ADCY5: variants seen among roughly 807,000 people sequenced by gnomAD.
The protein encoded by ADCY5 is adenylate cyclase type 5.
ADCY5 carries 30 observed loss-of-function variants against 119.7 expected under a neutral mutation model. That is an observed-to-expected ratio of 0.25 (90% CI 0.19 to 0.34). The LOEUF (loss-of-function observed/expected upper bound fraction) is 0.34. Ranked by LOEUF, ADCY5 falls within the 10% of genes least tolerant of loss-of-function variation. ADCY5 has a pLI of 1.00. For missense variants in ADCY5, 1,324 were observed against 1,775.2 expected (o/e 0.75, Z 4.57); for synonymous variants, 753 against 762.2 (o/e 0.99, Z 0.20).
At chr3:123,400,023 A>G (rs1944710714) in intron 1 of ADCY5, among the ~76,000 whole-genome samples, 1 of 152,210 alleles carries the variant, frequency 6.6e-6, no homozygotes, top group Non-Finnish European at 1.5e-5. Context: ...AGCACAATGA[A>G]CATGGGTTCA....
intron 1 of ADCY5, among the ~76,000 whole-genome samples, chr3:123,362,756 T>C (rs1425119806): frequency 1.3e-5 from 2 of 152,174 alleles, no homozygotes; most frequent in Non-Finnish European, 2.9e-5. Context: ...CTCAAGTTAA[T>C]TTCATAAACA....
chr3:123,327,229 G>A (rs1472323203), intron 7 of ADCY5, among the ~76,000 whole-genome samples: 4 of 152,164 alleles, frequency 2.6e-5, no homozygotes, highest in African/African-American at 9.7e-5. Context: ...TGTGGAGATG[G>A]ACACCGATCT....
chr3:123,368,013 A>C, intron 1 of ADCY5: 1 of 1,491,822 alleles, frequency 6.7e-7, no homozygotes, highest in South Asian at 1.3e-5. Flanking sequence ...GACCATGGGC[A>C]CCTCAGCAGG....
At chr3:123,392,212 A>G (rs2107587576) in intron 1 of ADCY5, among the ~76,000 whole-genome samples, 1 of 152,326 alleles carries the variant, frequency 6.6e-6, no homozygotes, top group Admixed American at 6.5e-5. Flanking sequence ...GAAATAGCAA[A>G]ATGTGATAGA....
chr3:123,292,031 G>A (rs1939186476), intron 17 of ADCY5, among the ~76,000 whole-genome samples: 1 of 152,118 alleles, frequency 6.6e-6, no homozygotes, highest in African/African-American at 2.4e-5. Flanking sequence ...GGGATTTTTT[G>A]GTCACCCACC....
intron 18 of ADCY5, 141 bp downstream of exon 18, chr3:123,290,972 G>A: frequency 2.6e-6 from 3 of 1,155,530 alleles, no homozygotes; most frequent in African/African-American, 1.6e-5. Context: ...ACACGGTCAG[G>A]TTCCCGCCGG....
intron 1 of ADCY5, among the ~76,000 whole-genome samples, chr3:123,418,394 A>G (rs1945229755): frequency 6.6e-6 from 1 of 152,242 alleles, no homozygotes; most frequent in Non-Finnish European, 1.5e-5. Context: ...TAATTTAGAA[A>G]GAAAAGAGGT....
At chr3:123,409,287 T>C (rs1944985058) in intron 1 of ADCY5, among the ~76,000 whole-genome samples, 1 of 152,190 alleles carries the variant, frequency 6.6e-6, no homozygotes, top group Non-Finnish European at 1.5e-5. Flanking sequence ...GGGGCTGTGC[T>C]AGGTGCCATG....
In ADCY5 at chr3:123,324,404, C is replaced by CCACACA. The variant is rs10522987; in HGVS notation, c.2088+912_2088+917dup. 1.6e-3 allele frequency among the ~76,000 whole-genome samples: 174 copies of CCACACA among 109,706 alleles called. 4 individuals are homozygous for CCACACA. The highest frequency in any genetic ancestry group is 4.5e-3 in the Middle Eastern group (1 of 224). The allele number at this position is 109,706 out of a possible 152,430, so 72.0% of individuals were successfully genotyped here. The stretch of plus-strand genomic sequence containing the variant: ...CCTTCACTAAGTGGCCACACAGAAA[C>CCACACA]CACACACACACACACACACACACAC... On this transcript the variant is annotated intron_variant, in intron 8 of 20. Coordinates refer to ENST00000462833, the MANE Select transcript of ADCY5 (RefSeq NM_183357.3).
At chr3:123,429,999 C>G (rs1342268878) in intron 1 of ADCY5, among the ~76,000 whole-genome samples, 2 of 152,058 alleles carry the variant, frequency 1.3e-5, no homozygotes, top group Admixed American at 1.3e-4. Context: ...AGCCCTTCTC[C>G]CACCTCTCGA....
chr3:123,324,220 G>A (rs1377973184), intron 8 of ADCY5, among the ~76,000 whole-genome samples: 2 of 152,162 alleles, frequency 1.3e-5, no homozygotes, highest in Non-Finnish European at 2.9e-5. Context: ...GGAGCAGAGC[G>A]ACTGGGTCCC....
At chr3:123,294,452 C>G (rs1939366035) in intron 17 of ADCY5, among the ~76,000 whole-genome samples, 2 of 152,232 alleles carry the variant, frequency 1.3e-5, no homozygotes, top group African/African-American at 4.8e-5. Flanking sequence ...AGCAGGCCAT[C>G]AGGGCTGACA....
intron 14 of ADCY5, among the ~76,000 whole-genome samples, chr3:123,301,986 C>G (rs1250723229): frequency 2.0e-5 from 3 of 152,228 alleles, no homozygotes; most frequent in Non-Finnish European, 4.4e-5. Context: ...CCTCCCTGGG[C>G]CTTCCCTGCC....
At chr3:123,346,838 T>C (rs1283662347) in intron 3 of ADCY5, among the ~76,000 whole-genome samples, 1 of 152,126 alleles carries the variant, frequency 6.6e-6, no homozygotes, top group African/African-American at 2.4e-5. Flanking sequence ...TTTCTGGGCA[T>C]ATGGGAGGAT....
At chr3:123,304,221 A>G (rs752200892) in intron 12 of ADCY5, 38 bp from the exon 13 acceptor site, 2 of 1,235,648 alleles carry the variant, frequency 1.6e-6, no homozygotes, top group South Asian at 2.5e-5. Flanking sequence ...AGGGAGGGAG[A>G]GACGGAATAG....
intron 11 of ADCY5, among the ~76,000 whole-genome samples, chr3:123,315,201 G>C (rs1008308306): frequency 6.6e-6 from 1 of 152,234 alleles, no homozygotes; most frequent in South Asian, 2.1e-4. Context: ...AAAAGCCCGT[G>C]GGGGGCGTGA....
rs2108497831 is a variant in ADCY5, at chr3:123,352,216, C to T, written c.1284+216G>A. Among the ~76,000 whole-genome samples, 1 of 152,244 alleles carries T rather than the reference C, an allele frequency of 6.6e-6. No individual in the cohort carries two copies. Among genetic ancestry groups the T allele is most frequent in the Middle Eastern group, 3.4e-3 (1 of 292 alleles). The stretch of plus-strand genomic sequence containing the variant: ...CAGGGACGCCACATGGCTATGGGCA[C>T]CAGGCCTTGGGCACGGGCTGGGTAG... On this transcript the variant is annotated intron_variant, in intron 2 of 20. Transcript: ENST00000462833. The surrounding 1 kb of genome is among the most constrained non-coding windows in gnomAD (Gnocchi z 4.8).
At chr3:123,319,497 C>T (rs957984134) in intron 10 of ADCY5, among the ~76,000 whole-genome samples, 177 bp downstream of exon 10, 1 of 152,186 alleles carries the variant, frequency 6.6e-6, no homozygotes, top group African/African-American at 2.4e-5. Context: ...TCCCTTCCAA[C>T]CAGGGAAGCC....
intron 1 of ADCY5, among the ~76,000 whole-genome samples, chr3:123,387,151 A>G (rs1944251929): frequency 1.3e-5 from 2 of 152,252 alleles, no homozygotes; most frequent in African/African-American, 2.4e-5. Context: ...ATTAGGATGT[A>G]GATACACACA....
Sources: gnomAD v4.1 joint callset for allele counts (sites outside exome capture counted in the v4.1 genomes callset) on GRCh38, gnomAD v4.1.1 for gene constraint, Gnocchi (gnomAD v3.1) non-coding constraint, MANE v1.5 for transcripts, NCBI Gene and HGNC (gene_info 2026-07-23, HGNC 2026-07-21) for gene names.